PRICKLE1: variants seen among roughly 807,000 people sequenced by gnomAD.
PRICKLE1 encodes prickle-like protein 1.
A neutral mutation model predicts 70.2 loss-of-function variants in PRICKLE1; 14 were observed. The ratio of observed to expected loss-of-function variants is 0.20; its 90% confidence interval spans 0.13 to 0.31. The LOEUF (loss-of-function observed/expected upper bound fraction) is 0.31. Ranked by LOEUF, PRICKLE1 falls within the 10% of genes least tolerant of loss-of-function variation. The pLI, the probability that PRICKLE1 is intolerant of heterozygous loss-of-function variation, is 1.00. For synonymous variants in PRICKLE1, 357 were observed against 379.9 expected (o/e 0.94, Z 0.70); for missense variants, 821 against 1,026.2 (o/e 0.80, Z 2.73).
chr12:42,527,946 T>C lies in PRICKLE1; in HGVS notation c.-48-55382A>G, dbSNP rs1388168863. On this transcript the variant is annotated intron_variant, in intron 1 of 7. Transcript: ENST00000345127. Reference sequence around the variant, plus strand: ...ATATATATATATATATATATATATATATATATATATATATATATATATATA... The same window carrying C: ...ATATATATATATATATATATATATACATATATATATATATATATATATATA... Among the ~76,000 whole-genome samples, 182 of 78,650 alleles carry C rather than the reference T, an allele frequency of 2.3e-3. 11 individuals are homozygous for C. The highest frequency in any genetic ancestry group is 8.5e-3 in the African/African-American group (165 of 19,338). 51.6% of individuals were successfully genotyped at this position (78,650 alleles called of 152,430 possible).
chr12:42,520,273 G>T (rs1407305960), intron 1 of PRICKLE1, among the ~76,000 whole-genome samples: 1 of 152,196 alleles, frequency 6.6e-6, no homozygotes, highest in Non-Finnish European at 1.5e-5. Flanking sequence ...AAATTTCTCT[G>T]TGCTTTTCCA....
chr12:42,478,113 T>C (rs1055053584), intron 1 of PRICKLE1, among the ~76,000 whole-genome samples: 2 of 151,882 alleles, frequency 1.3e-5, no homozygotes, highest in African/African-American at 4.9e-5. Flanking sequence ...TCCCTCCCTC[T>C]CCCTCTTTCT....
At chr12:42,478,813 C>T (rs1389381808) in intron 1 of PRICKLE1, among the ~76,000 whole-genome samples, 1 of 151,686 alleles carries the variant, frequency 6.6e-6, no homozygotes, top group Non-Finnish European at 1.5e-5. Flanking sequence ...CCTCCTTTGT[C>T]CTTTCTCTCG....
At chr12:42,564,697 G>A (rs903366855) in intron 1 of PRICKLE1, among the ~76,000 whole-genome samples, 2 of 152,196 alleles carry the variant, frequency 1.3e-5, no homozygotes, top group African/African-American at 4.8e-5. Context: ...TGAGGTATTT[G>A]ACTAAATATC....
chr12:42,485,246 T>G (rs994811093), intron 1 of PRICKLE1: 6 of 37,578 alleles, frequency 1.6e-4, no homozygotes, highest in African/African-American at 4.1e-4. Context: ...GAAGTTTTTT[T>G]TTTTTTTTTT....
rs1937987833 is a variant in PRICKLE1 at position 42,464,319 on chromosome 12, C to T, written c.1639+76G>A. The T allele has an allele frequency of 6.3e-7, 1 of 1,590,924 alleles. No individual in the cohort carries two copies. The highest frequency in any genetic ancestry group is 8.6e-7 in the Non-Finnish European group (1 of 1,160,644). Reference sequence around the variant, plus strand: ...TATAGGCATGAGCCACTGCGCCTGGCTTGAATTGCAATTTTTTGAATACAC... The same window carrying T: ...TATAGGCATGAGCCACTGCGCCTGGTTTGAATTGCAATTTTTTGAATACAC... On this transcript the variant is annotated intron_variant, in intron 7 of 7. Coordinates refer to ENST00000345127, the MANE Select transcript of PRICKLE1 (RefSeq NM_153026.3). This position sits in a 1 kb window ranked among gnomAD's most constrained non-coding sequence, Gnocchi z 4.2.
chr12:42,465,256 C>T lies in PRICKLE1; in HGVS notation c.778G>A (p.Val260Met), dbSNP rs1199665357. 1 of 1,613,986 alleles carries T rather than the reference C, an allele frequency of 6.2e-7. No homozygotes were observed. Among genetic ancestry groups the T allele is most frequent in the Non-Finnish European group, 8.5e-7 (1 of 1,180,016 alleles). The change falls in exon 7 of 8, where the codon GTG becomes ATG. Residue 260 changes from valine to methionine, a missense_variant and splice_region_variant. Transcript: ENST00000345127. ...YCETCGEHIG[V>M]DHAQMTYDGQ... ...TCATAGGTCATCTGTGCATGGTCCA[C>T]ACCTGTTTTGAAAAGGATAGAATAA...
intron 1 of PRICKLE1, among the ~76,000 whole-genome samples, chr12:42,541,538 A>G (rs1370498054): frequency 1.3e-5 from 2 of 151,636 alleles, no homozygotes; most frequent in African/African-American, 2.4e-5. Flanking sequence ...GGGTCTCACT[A>G]TGTTGCCCAG....
At chr12:42,520,585 G>A (rs1593152317) in intron 1 of PRICKLE1, among the ~76,000 whole-genome samples, 1 of 152,168 alleles carries the variant, frequency 6.6e-6, no homozygotes, top group African/African-American at 2.4e-5. Context: ...TTGCCAAACA[G>A]TCTATTATAT....
rs535266899 is a variant in PRICKLE1, at chr12:42,480,979, C to G, written c.-48-8415G>C. ...AAAAGATAAAGAACCTGAGAGGGGC[C>G]AATTAGTACACTGTCCCTAAGAAAG... On this transcript the variant is annotated intron_variant, in intron 1 of 7. Coordinates refer to ENST00000345127, the MANE Select transcript of PRICKLE1 (RefSeq NM_153026.3). Among the ~76,000 whole-genome samples the G allele has an allele frequency of 2.6e-5, 4 of 152,194 alleles. No individual in the cohort carries two copies. The East Asian group carries it at 7.7e-4, about 29-fold the overall frequency.
rs139067761 is a variant in PRICKLE1, at chr12:42,559,016, T to C, written c.-49+30449A>G. Among the ~76,000 whole-genome samples, 9 of 152,230 alleles carry C rather than the reference T, an allele frequency of 5.9e-5. No individual in the cohort carries two copies. The East Asian group carries it at 1.7e-3, about 29-fold the overall frequency. On this transcript the variant is annotated intron_variant, in intron 1 of 7. Transcript: ENST00000345127. ...CTGCAATATACAGTGTAGATTTCTG[T>C]AGAAAATTAGGAAGTTGGATTACTA...
intron 1 of PRICKLE1, among the ~76,000 whole-genome samples, chr12:42,515,268 T>C (rs1939589187): frequency 6.6e-6 from 1 of 150,954 alleles, no homozygotes; most frequent in Admixed American, 6.6e-5. Flanking sequence ...AGATGGAATT[T>C]CGCTCTTATT....
At chr12:42,539,329 G>A (rs548363481) in intron 1 of PRICKLE1, among the ~76,000 whole-genome samples, 6 of 152,056 alleles carry the variant, frequency 3.9e-5, no homozygotes, top group East Asian at 1.9e-4. Flanking sequence ...TTAGCCGGGC[G>A]TGGGGGTGGG....
chr12:42,519,193 C>CTTTTTTTTTTTTTTTTTTTTT lies in PRICKLE1; in HGVS notation c.-48-46630_-48-46629insAAAAAAAAAAAAAAAAAAAAA, dbSNP rs11342397. The stretch of plus-strand genomic sequence containing the variant: ...TACTGAATTTCCTTTCCTTTTTTTC[C>CTTTTTTTTTTTTTTTTTTTTT]TTTTTTTTTTTTTTTTTTTTGAGAT... On this transcript the variant is annotated intron_variant, in intron 1 of 7. Coordinates refer to ENST00000345127, the MANE Select transcript of PRICKLE1 (RefSeq NM_153026.3). 1.5e-4 allele frequency among the ~76,000 whole-genome samples: 15 copies of CTTTTTTTTTTTTTTTTTTTTT among 99,186 alleles called. 2 individuals are homozygous for CTTTTTTTTTTTTTTTTTTTTT. Among genetic ancestry groups the CTTTTTTTTTTTTTTTTTTTTT allele is most frequent in the Non-Finnish European group, 2.7e-4 (14 of 52,608 alleles). 65.1% of individuals were successfully genotyped at this position (99,186 alleles called of 152,430 possible).
At chr12:42,587,085 G>C (rs138083382) in intron 1 of PRICKLE1, among the ~76,000 whole-genome samples, 17 of 152,252 alleles carry the variant, frequency 1.1e-4, no homozygotes, top group African/African-American at 4.1e-4. Flanking sequence ...CATGGACCTT[G>C]ATTATAAAAA....
At chr12:42,471,711 C>T (rs1938329125) in intron 2 of PRICKLE1, among the ~76,000 whole-genome samples, 1 of 152,168 alleles carries the variant, frequency 6.6e-6, no homozygotes, top group Non-Finnish European at 1.5e-5. Context: ...TCAAATGATG[C>T]CTCTGCTCTT....
rs753059335 is a variant in PRICKLE1 at position 42,460,696 on chromosome 12, C to T, written c.1640-31G>A. On this transcript the variant is annotated intron_variant, in intron 7 of 7. Coordinates refer to ENST00000345127, the MANE Select transcript of PRICKLE1 (RefSeq NM_153026.3). ...AGAGAGGCCAAAACAAGATGTGCTTCTCAATCATCCTAATATTCGACAGTA... is the reference window on the plus strand; with the variant it reads ...AGAGAGGCCAAAACAAGATGTGCTTTTCAATCATCCTAATATTCGACAGTA... 4 of 1,602,068 alleles carry T rather than the reference C, an allele frequency of 2.5e-6. No homozygotes were observed. In the African/African-American group the frequency reaches 5.3e-5, roughly 21 times the overall value.
intron 1 of PRICKLE1, among the ~76,000 whole-genome samples, chr12:42,560,975 G>A (rs1003409172): frequency 2.0e-5 from 3 of 152,122 alleles, no homozygotes; most frequent in Non-Finnish European, 4.4e-5. Context: ...AATCTCTGAG[G>A]ACAGGTTATA....
chr12:42,485,598 A>G (rs537615336), intron 1 of PRICKLE1: 1 of 152,320 alleles, frequency 6.6e-6, no homozygotes, highest in Admixed American at 6.5e-5. Flanking sequence ...ACCTACCTAT[A>G]GGAGAAATGC....
Sources: allele counts gnomAD v4.1 joint callset (sites outside exome capture counted in the v4.1 genomes callset), GRCh38; gene constraint gnomAD v4.1.1; non-coding constraint Gnocchi (gnomAD v3.1); transcripts MANE v1.5; gene names NCBI Gene and HGNC (gene_info 2026-07-23, HGNC 2026-07-21).